The following KDM5A variants were observed in gnomAD, a reference collection of about 807,000 sequenced individuals.
KDM5A encodes lysine-specific demethylase 5A.
Under a neutral mutation model 193.5 loss-of-function variants are expected in KDM5A, and 42 were observed. The ratio of observed to expected loss-of-function variants is 0.22; its 90% CI spans 0.17 to 0.28. The LOEUF is 0.28. Ranked by LOEUF, KDM5A falls within the 10% of genes least tolerant of loss-of-function variation. The pLI, the probability that KDM5A is intolerant of heterozygous loss-of-function variation, is 1.00. For synonymous variants in KDM5A, 796 were observed against 718.1 expected, an observed-to-expected ratio of 1.11 and a Z score of -1.73; for missense variants, 1,692 against 2,055.1, an observed-to-expected ratio of 0.82 and a Z score of 3.42.
chr12:364,554 G>T (rs945012607), intron 4 of KDM5A, among the ~76,000 whole-genome samples: 1 of 151,688 alleles, frequency 6.6e-6, no homozygotes, highest in African/African-American at 2.4e-5. Context: ...GGGAGGCCGA[G>T]GTGAGTGGAT....
At chr12:289,163 G>A (rs1373814766) in intron 27 of KDM5A, among the ~76,000 whole-genome samples, 1 of 152,016 alleles carries the variant, frequency 6.6e-6, no homozygotes, top group Non-Finnish European at 1.5e-5. Context: ...CCAACAATAA[G>A]AGGGTTAAAA....
Position 282,086 on chromosome 12 carries a change from C to T in KDM5A, c.*3370G>A. 1 of 324,226 alleles carries T rather than the reference C, an allele frequency of 3.1e-6. No individual in the cohort carries two copies. 20.1% of individuals were successfully genotyped at this position (324,226 alleles called of 1,614,324 possible). A position where few individuals can be genotyped will look rare whatever the true frequency, so the allele number is the denominator to read the frequency against. On this transcript the variant is annotated 3_prime_UTR_variant, in exon 28 of 28. Transcript: ENST00000399788. ...AAAGCCCAGGCAGAACCATGCTAAC[C>T]TTACAGCTCAGCCTGCACAGAAGCA...
At chr12:289,577 T>C (rs1943262608) in intron 27 of KDM5A, among the ~76,000 whole-genome samples, 1 of 151,892 alleles carries the variant, frequency 6.6e-6, no homozygotes, top group Admixed American at 6.6e-5. Context: ...GAGGTGGGCA[T>C]AGTGGTGTGT....
chr12:325,640 C>T (rs1330583359), intron 14 of KDM5A, among the ~76,000 whole-genome samples: 1 of 152,210 alleles, frequency 6.6e-6, no homozygotes, highest in Admixed American at 6.5e-5. Context: ...TGCCACTGCA[C>T]TCCAACTCGG....
At chr12:381,766 ACAC>A (rs1944575858) in intron 3 of KDM5A, among the ~76,000 whole-genome samples, 1 of 152,084 alleles carries the variant, frequency 6.6e-6, no homozygotes, top group Admixed American at 6.6e-5. Context: ...TTTTGACCTG[ACAC>A]TAATTTTAAA....
chr12:357,647 G>A (rs2137459796), intron 5 of KDM5A, among the ~76,000 whole-genome samples: 1 of 151,520 alleles, frequency 6.6e-6, no homozygotes, highest in African/African-American at 2.4e-5. Flanking sequence ...GCCCAATATG[G>A]TGAAACCCCG....
intron 19 of KDM5A, among the ~76,000 whole-genome samples, chr12:316,860 C>A (rs1378592236): frequency 6.6e-6 from 1 of 152,208 alleles, no homozygotes; most frequent in African/African-American, 2.4e-5. Flanking sequence ...TACCAAAATG[C>A]ATCCAAAGTA....
chr12:306,283 A>G (rs1235464538), intron 24 of KDM5A, among the ~76,000 whole-genome samples: 3 of 152,080 alleles, frequency 2.0e-5, no homozygotes, highest in Non-Finnish European at 4.4e-5. Context: ...CCTAGAATGG[A>G]ATTCTTAAAA....
At chr12:329,273 T>TA in intron 13 of KDM5A, 1 of 528,606 alleles carries the variant, frequency 1.9e-6, no homozygotes, top group Non-Finnish European at 3.4e-6. Flanking sequence ...CCTAAACTGC[T>TA]AATTTTCTAT....
Position 389,235 on chromosome 12 carries a change from A to G in KDM5A, c.-144T>C. Reference sequence around the variant, plus strand: ...GAACCGTTCAACACAGAAACCCCAGAATCGCTTCCTCCTCCCGTTTGTTAT... The same window carrying G: ...GAACCGTTCAACACAGAAACCCCAGGATCGCTTCCTCCTCCCGTTTGTTAT... On this transcript the variant is annotated 5_prime_UTR_variant, in exon 1 of 28. Transcript: ENST00000399788. 2 of 813,306 alleles carry G rather than the reference A, an allele frequency of 2.5e-6. No homozygotes were observed. The highest frequency in any genetic ancestry group is 2.8e-5 in the South Asian group (2 of 72,300). The allele number at this position is 813,306 out of a possible 1,614,324, so 50.4% of individuals were successfully genotyped here.
At chr12:332,026 G>T in intron 12 of KDM5A, 88 bp from the exon 13 acceptor site, 2 of 1,268,170 alleles carry the variant, frequency 1.6e-6, no homozygotes, top group Non-Finnish European at 2.2e-6. Flanking sequence ...AATTTCAGAT[G>T]CATTTTCTAA....
chr12:296,987 T>C, intron 25 of KDM5A, 54 bp downstream of exon 25: 2 of 1,568,692 alleles, frequency 1.3e-6, no homozygotes, highest in Non-Finnish European at 1.7e-6. Context: ...ACATAATGCT[T>C]TTTCTCATTG....
intron 3 of KDM5A, among the ~76,000 whole-genome samples, chr12:381,011 G>C (rs80143426): frequency 1.4e-5 from 2 of 147,478 alleles, no homozygotes; most frequent in African/African-American, 2.5e-5. Context: ...TTTTTTTTTA[G>C]ACGGAGTTGT....
At chr12:384,270 C>T in intron 2 of KDM5A, 117 bp from the exon 3 acceptor site, 1 of 772,416 alleles carries the variant, frequency 1.3e-6, no homozygotes, top group Non-Finnish European at 2.3e-6. Context: ...CTGTTAGGAA[C>T]CCAGCCACAC....
chr12:377,397 TA>T (rs1944520393), intron 3 of KDM5A, among the ~76,000 whole-genome samples: 1 of 151,720 alleles, frequency 6.6e-6, no homozygotes, highest in Non-Finnish European at 1.5e-5. Context: ...TTGAGAGCCA[TA>T]AAAACAGTGA....
At chr12:289,896 TTTCTTTC>T (rs1565522326) in intron 27 of KDM5A, among the ~76,000 whole-genome samples, 6 of 137,312 alleles carry the variant, frequency 4.4e-5, no homozygotes, top group African/African-American at 1.6e-4. Flanking sequence ...AGCATGATTT[TTTCTTTC>T]TTTCTTTTTT....
intron 11 of KDM5A, 61 bp from the exon 12 acceptor site, chr12:333,710 T>C: frequency 6.9e-7 from 1 of 1,457,892 alleles, no homozygotes; most frequent in Non-Finnish European, 9.6e-7. Flanking sequence ...CTAGGGTATC[T>C]GATTCCAATC....
chr12:384,631 G>A (rs1944617214), intron 2 of KDM5A, among the ~76,000 whole-genome samples: 1 of 152,166 alleles, frequency 6.6e-6, no homozygotes, highest in African/African-American at 2.4e-5. Flanking sequence ...AGAGGCAAAA[G>A]ACTTCTAATA....
chr12:321,767 A>G (rs1943720265), intron 17 of KDM5A, among the ~76,000 whole-genome samples: 1 of 152,218 alleles, frequency 6.6e-6, no homozygotes, highest in South Asian at 2.1e-4. Flanking sequence ...CTCTGCATCC[A>G]TCAAGGTTAC....
Sources: gnomAD v4.1 joint callset for allele counts (sites outside exome capture counted in the v4.1 genomes callset) on GRCh38, gnomAD v4.1.1 for gene constraint, MANE v1.5 for transcripts, NCBI Gene and HGNC (gene_info 2026-07-23, HGNC 2026-07-21) for gene names.